ASIC2: variants seen among roughly 807,000 people sequenced by gnomAD.
The protein encoded by ASIC2 is acid-sensing ion channel 2.
In ASIC2, 25 loss-of-function variants were observed where a neutral mutation model predicts 57.3. That is an observed-to-expected ratio of 0.44 (90% CI 0.32 to 0.61). The LOEUF (loss-of-function observed/expected upper bound fraction) is 0.61, where lower values mean the gene tolerates loss of function less well. ASIC2 is among the 20% of genes least tolerant of loss of function. The pLI, the probability that ASIC2 is intolerant of heterozygous loss-of-function variation, is 0.06. For missense variants in ASIC2, 641 were observed against 738.1 expected (o/e 0.87, Z 1.52); for synonymous variants, 319 against 307.5 (o/e 1.04, Z -0.39).
chr17:34,075,134 T>C (rs1909585945), intron 1 of ASIC2, among the ~76,000 whole-genome samples: 1 of 152,050 alleles, frequency 6.6e-6, no homozygotes, highest in Non-Finnish European at 1.5e-5. Flanking sequence ...ATGGACCATG[T>C]GCTTGTGAGA....
rs151226914 is a variant in ASIC2 at position 33,674,129 on chromosome 17, G to A, written c.555+481849C>T. ...AGGCTGGTCTTGATCTCTCGACTTC[G>A]TGATCCGCCCACCTCGGCCTCCCAA... is the stretch of plus-strand genomic sequence containing the variant. On this transcript the variant is annotated intron_variant, in intron 1 of 9. Coordinates refer to the ASIC2 transcript ENST00000359872. Among the ~76,000 whole-genome samples, 7 of 152,196 alleles carry A rather than the reference G, an allele frequency of 4.6e-5. No individual in the cohort carries two copies. In the South Asian group the frequency reaches 6.2e-4, roughly 14 times the overall value.
At chr17:33,159,069 G>C (rs1276075797) in intron 1 of ASIC2, among the ~76,000 whole-genome samples, 2 of 152,180 alleles carry the variant, frequency 1.3e-5, no homozygotes, top group African/African-American at 4.8e-5. Context: ...GAGAGCATTG[G>C]CAGTGTTGTC....
At chr17:33,575,636 C>T (rs576933587) in intron 1 of ASIC2, among the ~76,000 whole-genome samples, 16 of 152,280 alleles carry the variant, frequency 1.1e-4, no homozygotes, top group African/African-American at 2.9e-4. Context: ...AAAAACTGTA[C>T]GGAGATAAAT....
At chr17:33,297,111 A>T (rs1349269022), upstream of ASIC2, among the ~76,000 whole-genome samples, 3 of 152,248 alleles carry the variant, frequency 2.0e-5, no homozygotes, top group Non-Finnish European at 2.9e-5. Context: ...CAAACTCTTT[A>T]TAGAATCAGA....
chr17:33,906,602 C>T (rs969183430), intron 1 of ASIC2, among the ~76,000 whole-genome samples: 1 of 152,190 alleles, frequency 6.6e-6, no homozygotes, highest in Non-Finnish European at 1.5e-5. Context: ...TGTACAAACA[C>T]CTGCGAGTAT....
intron 1 of ASIC2, among the ~76,000 whole-genome samples, chr17:33,967,685 G>A (rs1233221516): frequency 4.6e-5 from 7 of 152,140 alleles, no homozygotes; most frequent in Admixed American, 3.3e-4. Context: ...ATACGCCATA[G>A]CAAAATGGGT....
chr17:33,660,687 C>T (rs1320694144), intron 1 of ASIC2, among the ~76,000 whole-genome samples: 2 of 152,210 alleles, frequency 1.3e-5, no homozygotes, highest in Non-Finnish European at 2.9e-5. Context: ...ACACCAGCAT[C>T]GTCACAAACA....
At position 33,787,108 on chromosome 17, in the gene ASIC2, T is replaced by C. The variant is rs76827272; in HGVS notation, c.555+368870A>G. On this transcript the variant is annotated intron_variant, in intron 1 of 9. Transcript: ENST00000359872. ...AGTCCAGGAGAGAAGGGGCCTATGG[T>C]ACAGGAGCACAGTACGGCTCTCACA... 2.3e-3 allele frequency among the ~76,000 whole-genome samples: 354 copies of C among 152,300 alleles called. 4 individuals carry two copies. The highest frequency in any genetic ancestry group is 5.5e-3 in the African/African-American group (228 of 41,560).
At chr17:33,921,431 T>G (rs1006429501) in intron 1 of ASIC2, among the ~76,000 whole-genome samples, 4 of 152,178 alleles carry the variant, frequency 2.6e-5, no homozygotes, top group African/African-American at 9.7e-5. Context: ...ATATGCAATT[T>G]GGTTAGGGGA....
chr17:33,026,084 T>A, intron 4 of ASIC2, 102 bp from the exon 5 acceptor site: 1 of 1,307,676 alleles, frequency 7.6e-7, no homozygotes, highest in Non-Finnish European at 1.1e-6. Context: ...CTCCTGGCAG[T>A]TGAAGGGGCA....
chr17:33,439,289 G>T (rs1911742164), intron 1 of ASIC2, among the ~76,000 whole-genome samples: 1 of 152,180 alleles, frequency 6.6e-6, no homozygotes, highest in Non-Finnish European at 1.5e-5. Context: ...AAAGAAGATA[G>T]TCTTAAACTG....
chr17:33,122,505 T>A lies in ASIC2; in HGVS notation c.709-10438A>T, dbSNP rs181692493. Among the ~76,000 whole-genome samples, 125 of 152,336 alleles carry A rather than the reference T, an allele frequency of 8.2e-4. 1 individual carries two copies. In the Middle Eastern group the frequency reaches 0.02, roughly 25 times the overall value. ...GCTCATGGTTCCTGTTAGAAGTTTC[T>A]TTTTAATATTTGATGTTTTTTGGTT... On this transcript the variant is annotated intron_variant, in intron 1 of 9. Coordinates refer to ENST00000225823, the MANE Select transcript of ASIC2 (RefSeq NM_183377.2).
chr17:33,231,428 T>C (rs368742060), intron 1 of ASIC2, among the ~76,000 whole-genome samples: 9 of 152,208 alleles, frequency 5.9e-5, no homozygotes, highest in African/African-American at 2.2e-4. Context: ...GGTGCATGGC[T>C]GGATGGGGGC....
chr17:33,070,341 C>CT (rs56177718), intron 3 of ASIC2, among the ~76,000 whole-genome samples: 128,397 of 143,144 alleles, frequency 0.9, 57,554 homozygotes, highest in East Asian at 0.96. Flanking sequence ...TTCGCCATTA[C>CT]TTTTTTTTTT....
chr17:33,184,116 T>TA (rs1200371330), intron 1 of ASIC2, among the ~76,000 whole-genome samples: 17 of 152,314 alleles, frequency 1.1e-4, no homozygotes, highest in African/African-American at 3.6e-4. Flanking sequence ...CCAACCCCTT[T>TA]ACTTTAGAGA....
intron 1 of ASIC2, chr17:34,155,823 G>C (rs755530788): frequency 5.1e-5 from 41 of 796,590 alleles, no homozygotes; most frequent in Non-Finnish European, 7.9e-5. Flanking sequence ...CAACCAGCTC[G>C]CACAACTCTG....
chr17:33,617,273 AG>A (rs1469602354), intron 1 of ASIC2, among the ~76,000 whole-genome samples: 7 of 152,250 alleles, frequency 4.6e-5, no homozygotes, highest in African/African-American at 9.6e-5. Context: ...AATGCCCATC[AG>A]TGAAAAAATG....
At chr17:33,852,898 T>C (rs1028670119) in intron 1 of ASIC2, among the ~76,000 whole-genome samples, 11 of 152,288 alleles carry the variant, frequency 7.2e-5, no homozygotes, top group South Asian at 2.1e-4. Flanking sequence ...GGCTACTTTT[T>C]ACTCCAGAAT....
intron 1 of ASIC2, among the ~76,000 whole-genome samples, chr17:33,956,938 G>T (rs1904752907): frequency 1.3e-5 from 2 of 152,240 alleles, no homozygotes; most frequent in Admixed American, 6.5e-5. Context: ...CTGTAGAGAG[G>T]CAGGGGATAG....
Sources: allele counts gnomAD v4.1 joint callset (sites outside exome capture counted in the v4.1 genomes callset), GRCh38; gene constraint gnomAD v4.1.1; transcripts MANE v1.5; gene names NCBI Gene and HGNC (gene_info 2026-07-23, HGNC 2026-07-21).